BTBD9: variants seen among roughly 807,000 people sequenced by gnomAD.
BTBD9 encodes the protein BTB/POZ domain-containing protein 9.
BTBD9 carries 49 observed loss-of-function variants against 64.3 expected under a neutral mutation model. The ratio of observed to expected loss-of-function variants is 0.76; its 90% CI spans 0.61 to 0.97. The LOEUF (loss-of-function observed/expected upper bound fraction) is 0.97. Among genes scored for constraint, BTBD9 ranks in the 50% least tolerant of loss-of-function variants. The pLI, the probability that BTBD9 is intolerant of heterozygous loss-of-function variation, is 0.00. For missense variants in BTBD9, 598 were observed against 762.1 expected (o/e 0.78, Z 2.53); for synonymous variants, 260 against 274.7 (o/e 0.95, Z 0.53).
rs990677793 is a variant in BTBD9 at position 38,232,274 on chromosome 6, CT to C, written c.1562+24134del. ...GGAAATGTCCCATAGTCTCTGTTTT[CT>C]TTTTTTTTTTTTTTAGACGGAGTCT... On this transcript the variant is annotated intron_variant, in intron 9 of 10. Transcript: ENST00000481247. Among the ~76,000 whole-genome samples, 903 of 140,536 alleles carry C rather than the reference CT, an allele frequency of 6.4e-3. 1 individual carries two copies. Among genetic ancestry groups the C allele is most frequent in the Admixed American group, 8.6e-3 (121 of 14,022 alleles). 92.2% of individuals were successfully genotyped at this position (140,536 alleles called of 152,430 possible).
chr6:38,489,832 T>G (rs1771623074), intron 6 of BTBD9, among the ~76,000 whole-genome samples: 1 of 152,262 alleles, frequency 6.6e-6, no homozygotes, highest in Non-Finnish European at 1.5e-5. Flanking sequence ...TTCTGAGGTA[T>G]TCATCTTCTT....
At chr6:38,557,120 G>A (rs980534920) in intron 6 of BTBD9, among the ~76,000 whole-genome samples, 1 of 149,304 alleles carries the variant, frequency 6.7e-6, no homozygotes, top group Non-Finnish European at 1.5e-5. Flanking sequence ...GGCCACGGTG[G>A]GCAGATCATG....
intron 6 of BTBD9, among the ~76,000 whole-genome samples, chr6:38,351,598 T>C (rs1366291889): frequency 1.4e-5 from 2 of 140,914 alleles, no homozygotes; most frequent in East Asian, 4.9e-4. Flanking sequence ...GCCTCCTGGG[T>C]TCACGCCATT....
chr6:38,204,228 C>A (rs1219341327), intron 9 of BTBD9, among the ~76,000 whole-genome samples: 1 of 151,822 alleles, frequency 6.6e-6, no homozygotes, highest in Non-Finnish European at 1.5e-5. Flanking sequence ...AAGATACATA[C>A]CCAAGAAAAA....
intron 6 of BTBD9, among the ~76,000 whole-genome samples, chr6:38,450,136 T>C (rs1769456402): frequency 6.6e-6 from 1 of 152,110 alleles, no homozygotes; most frequent in Admixed American, 6.5e-5. Context: ...CTGAAGAACA[T>C]TAAGTTAAAT....
At chr6:38,175,424 C>T (rs1326120741) in intron 10 of BTBD9, among the ~76,000 whole-genome samples, 2 of 152,166 alleles carry the variant, frequency 1.3e-5, no homozygotes, top group Non-Finnish European at 1.5e-5. Flanking sequence ...TTAGAGACAC[C>T]ATGACACGGA....
At position 38,615,825 on chromosome 6, in the gene BTBD9, T is replaced by C. The variant is rs139810221; in HGVS notation, c.-27-17704A>G. The stretch of plus-strand genomic sequence containing the variant: ...CCTGTGTGAATGCTTAAAGTAATTA[T>C]TGCGGTCCTTTTTCAAATAACTGCA... On this transcript the variant is annotated intron_variant, in intron 1 of 10. Transcript: ENST00000481247. Among the ~76,000 whole-genome samples the C allele has an allele frequency of 3.7e-3, 559 of 152,310 alleles. 4 individuals are homozygous for C. Among genetic ancestry groups the C allele is most frequent in the Non-Finnish European group, 5.6e-3 (383 of 68,018 alleles).
chr6:38,441,963 C>G (rs1769054832), intron 6 of BTBD9, among the ~76,000 whole-genome samples: 1 of 152,164 alleles, frequency 6.6e-6, no homozygotes, highest in South Asian at 2.1e-4. Context: ...TCTACAGCCC[C>G]TCTCTGATGC....
intron 6 of BTBD9, among the ~76,000 whole-genome samples, chr6:38,534,702 C>T (rs571616911): frequency 1.3e-5 from 2 of 152,130 alleles, no homozygotes; most frequent in African/African-American, 4.8e-5. Flanking sequence ...CCCAGGGGTG[C>T]AAGGATAGTT....
chr6:38,425,901 A>C (rs1768120477), intron 6 of BTBD9, among the ~76,000 whole-genome samples: 1 of 150,226 alleles, frequency 6.7e-6, no homozygotes, highest in African/African-American at 2.5e-5. Flanking sequence ...TGGGTGACAA[A>C]GTGAGACCCT....
At chr6:38,606,947 A>G (rs774700471) in intron 1 of BTBD9, among the ~76,000 whole-genome samples, 6 of 152,132 alleles carry the variant, frequency 3.9e-5, no homozygotes, top group Non-Finnish European at 8.8e-5. Context: ...TAAATGTAAG[A>G]TATCAGAAAT....
intron 1 of BTBD9, among the ~76,000 whole-genome samples, chr6:38,618,983 G>A (rs572284582): frequency 5.5e-4 from 84 of 152,230 alleles, no homozygotes; most frequent in African/African-American, 1.5e-3. Flanking sequence ...GACTGGAGTC[G>A]CAAACATCTG....
intron 6 of BTBD9, among the ~76,000 whole-genome samples, chr6:38,372,013 A>T (rs72851457): frequency 0.015 from 2,315 of 152,328 alleles, 16 homozygotes; most frequent in Middle Eastern, 0.058. Context: ...ATAACAAATC[A>T]CACCTCAGTG....
chr6:38,316,273 C>T (rs1763026783), intron 7 of BTBD9, among the ~76,000 whole-genome samples: 1 of 152,118 alleles, frequency 6.6e-6, no homozygotes, highest in Non-Finnish European at 1.5e-5. Flanking sequence ...CCACTCTATG[C>T]CCTTTGGAGA....
rs552176750 is a variant in BTBD9 at position 38,283,233 on chromosome 6, G to C, written c.1454+5039C>G. On this transcript the variant is annotated intron_variant, in intron 8 of 10. Transcript: ENST00000481247. ...GGTTCTACTTGCCTACCCAACTACG[G>C]AGTAAACTCTCAGAAAAGGAAGAAA... Among the ~76,000 whole-genome samples the C allele has an allele frequency of 2.6e-5, 4 of 152,258 alleles. 1 individual carries two copies. Among genetic ancestry groups the C allele is most frequent in the Admixed American group, 6.5e-5 (1 of 15,288 alleles).
chr6:38,515,565 A>T (rs748975267), intron 6 of BTBD9, among the ~76,000 whole-genome samples: 4 of 152,242 alleles, frequency 2.6e-5, no homozygotes, highest in African/African-American at 4.8e-5. Flanking sequence ...ACTACTAAGC[A>T]TAGAACTATC....
intron 7 of BTBD9, among the ~76,000 whole-genome samples, chr6:38,289,308 T>C (rs1384380039): frequency 1.3e-5 from 2 of 152,108 alleles, no homozygotes; most frequent in Non-Finnish European, 2.9e-5. Flanking sequence ...TGGGAAGCAA[T>C]GGTTGCAGTG....
intron 6 of BTBD9, among the ~76,000 whole-genome samples, chr6:38,383,782 A>T (rs1766040254): frequency 1.3e-5 from 2 of 152,222 alleles, no homozygotes; most frequent in South Asian, 4.1e-4. Context: ...TCTTCATTTT[A>T]TTGAAACTCA....
intron 6 of BTBD9, among the ~76,000 whole-genome samples, chr6:38,525,600 C>T (rs1040425117): frequency 5.9e-5 from 9 of 152,090 alleles, no homozygotes; most frequent in Non-Finnish European, 1.0e-4. Context: ...TGGTTTTGAC[C>T]AAAATGCTGA....
Sources: gnomAD v4.1 joint callset for allele counts (sites outside exome capture counted in the v4.1 genomes callset) on GRCh38, gnomAD v4.1.1 for gene constraint, MANE v1.5 for transcripts, NCBI Gene and HGNC (gene_info 2026-07-23, HGNC 2026-07-21) for gene names.